ZNF189: variants seen among roughly 807,000 people sequenced by gnomAD.
ZNF189 encodes zinc finger protein 189.
ZNF189 carries 33 observed loss-of-function variants against 53.5 expected under a neutral mutation model. That is an observed-to-expected ratio of 0.62 (90% CI 0.47 to 0.82). ZNF189 has a LOEUF of 0.82. ZNF189 is among the 40% of genes least tolerant of loss of function. The pLI, the probability that ZNF189 is intolerant of heterozygous loss-of-function variation, is 0.00. For synonymous variants in ZNF189, 247 were observed against 238.8 expected, an observed-to-expected ratio of 1.03 and a Z score of -0.32; for missense variants, 711 against 753.9, an observed-to-expected ratio of 0.94 and a Z score of 0.67.
Position 101,409,830 on chromosome 9 carries a change from T to C in ZNF189, c.*181T>C, listed in dbSNP as rs1376345696. 1.8e-5 allele frequency: 11 copies of C among 618,660 alleles called. No individual in the cohort carries two copies. Among genetic ancestry groups the C allele is most frequent in the Non-Finnish European group, 2.9e-5 (11 of 372,964 alleles). The allele number at this position is 618,660 out of a possible 1,614,324, so 38.3% of individuals were successfully genotyped here. On this transcript the variant is annotated 3_prime_UTR_variant, in exon 3 of 3. Coordinates refer to ENST00000339664, the MANE Select transcript of ZNF189 (RefSeq NM_003452.4). ...CATGAGCATTTGACTTCCCTTACTCTTTGATGATCGTAGAGAAAGACTTGG... is the reference window on the plus strand; with the variant it reads ...CATGAGCATTTGACTTCCCTTACTCCTTGATGATCGTAGAGAAAGACTTGG...
intron 1 of ZNF189, chr9:101,399,625 T>C: frequency 7.7e-7 from 1 of 1,302,208 alleles, no homozygotes. Flanking sequence ...GAGGGAAGCT[T>C]GGAGAGGCCT....
intron 2 of ZNF189, among the ~76,000 whole-genome samples, chr9:101,402,816 A>C (rs1830582870): frequency 6.6e-6 from 1 of 152,162 alleles, no homozygotes; most frequent in South Asian, 2.1e-4. Flanking sequence ...AAGTACAGTT[A>C]ACTTAAGACT....
chr9:101,401,741 C>T (rs1294802197), intron 2 of ZNF189, among the ~76,000 whole-genome samples: 3 of 152,162 alleles, frequency 2.0e-5, no homozygotes, highest in Non-Finnish European at 2.9e-5. Flanking sequence ...ACGTCATTGT[C>T]AAATGCAGTA....
In ZNF189 at chr9:101,409,059, A is replaced by G; in HGVS notation, c.1291A>G (p.Asn431Asp). ...CACCAGGGAGAAGACTTATCCATAC[A>G]ATGAAACTAAGGAAAGTTTTGATCC... Reference protein sequence around the residue: ...IHTREKTYPYNETKESFDPNC... With the variant: ...IHTREKTYPYDETKESFDPNC... Residue 431 changes from asparagine (N) to aspartate (D), a missense_variant, in exon 3 of 3, where the codon AAT becomes GAT. Transcript: ENST00000339664. The G allele has an allele frequency of 4.3e-6, 7 of 1,614,038 alleles. No individual in the cohort carries two copies. The highest frequency in any genetic ancestry group is 5.9e-6 in the Non-Finnish European group (7 of 1,179,996).
chr9:101,408,499 G>T lies in ZNF189; in HGVS notation c.731G>T (p.Arg244Ile), dbSNP rs879751618. 4.3e-6 allele frequency: 7 copies of T among 1,614,134 alleles called. No homozygotes were observed. The highest frequency in any genetic ancestry group is 5.1e-6 in the Non-Finnish European group (6 of 1,180,026). Residue 244 changes from arginine (R) to isoleucine (I), a missense_variant, in exon 3 of 3, where the codon AGA becomes ATA. By Grantham distance (97) the Arg-to-Ile change is moderately conservative. Coordinates refer to ENST00000339664, the MANE Select transcript of ZNF189 (RefSeq NM_003452.4). ...CNQCKQSFSQ[R>I]RSLVKHQRIH... ...CAGTGTAAACAGAGCTTCAGCCAGA[G>T]AAGGAGCCTTGTTAAACATCAAAGG...
In ZNF189 at chr9:101,408,006, C is replaced by G. The variant is rs758511282; in HGVS notation, c.238C>G (p.Gln80Glu). ...IEEIEEEVEP[Q>E]GVIVTRIKSE... ...AGAAATTGAGGAAGAAGTGGAACCA[C>G]AGGGTGTAATAGTTACAAGAATCAA... is the stretch of plus-strand genomic sequence containing the variant. Residue 80 changes from glutamine (Q) to glutamate (E), a missense_variant, in exon 3 of 3, where the codon CAG (glutamine) becomes GAG (glutamate). By Grantham distance (29) the Gln-to-Glu change is conservative (BLOSUM62 2). Transcript: ENST00000339664. 6.2e-7 allele frequency: 1 copy of G among 1,611,676 alleles called. No homozygotes were observed. Among genetic ancestry groups the G allele is most frequent in the African/African-American group, 1.3e-5 (1 of 74,746 alleles).
chr9:101,399,372 C>T, intron 1 of ZNF189, 183 bp downstream of exon 1: 1 of 1,380,478 alleles, frequency 7.2e-7, no homozygotes, highest in South Asian at 1.7e-5. Flanking sequence ...CCACTGGCTC[C>T]CTTTTTTTTT....
chr9:101,408,920 T>C lies in ZNF189; in HGVS notation c.1152T>C (p.Leu384=), dbSNP rs1402029578. ...CKECGKSFSQ[L]CNLTRHQRIH... is the part of the protein sequence containing the mutation. ...AGTGTGGGAAAAGTTTCAGTCAGCTTTGCAACCTTACTCGTCATCAGAGAA... is the reference window on the plus strand; with the variant it reads ...AGTGTGGGAAAAGTTTCAGTCAGCTCTGCAACCTTACTCGTCATCAGAGAA... The change falls in exon 3 of 3, where the codon CTT becomes CTC. Residue 384 remains leucine, a synonymous_variant. Transcript: ENST00000339664. 1 of 1,613,948 alleles carries C rather than the reference T, an allele frequency of 6.2e-7. No individual in the cohort carries two copies. The highest frequency in any genetic ancestry group is 1.3e-5 in the African/African-American group (1 of 74,904).
At chr9:101,403,281 A>G (rs543961381) in intron 2 of ZNF189, among the ~76,000 whole-genome samples, 116 of 152,214 alleles carry the variant, frequency 7.6e-4, no homozygotes, top group Non-Finnish European at 1.3e-3. Context: ...CCCACAGATG[A>G]TCTTCTACTT....
rs146668775 is a variant in ZNF189 at position 101,408,244 on chromosome 9, G to T, written c.476G>T (p.Arg159Leu). The part of the protein sequence containing the change: ...KCEECGKGFV[R>L]KAHFIQHQRV... ...GAAGAATGTGGAAAGGGTTTTGTCC[G>T]CAAGGCCCATTTCATTCAACATCAA... is the stretch of plus-strand genomic sequence containing the variant. Residue 159 changes from arginine to leucine, a missense_variant, in exon 3 of 3, where the codon CGC (arginine) becomes CTC (leucine). By Grantham distance (102) the Arg-to-Leu change is moderately radical. Transcript: ENST00000339664. 2.5e-6 allele frequency: 4 copies of T among 1,614,150 alleles called. No homozygotes were observed. In the Admixed American group the frequency reaches 5.0e-5, roughly 20 times the overall value.
intron 2 of ZNF189, among the ~76,000 whole-genome samples, chr9:101,402,267 T>A (rs143957849): frequency 6.6e-4 from 100 of 152,052 alleles, no homozygotes; most frequent in Middle Eastern, 6.8e-3. Context: ...ACTGCCTAGG[T>A]TTAAATCCTT....
At chr9:101,402,048 G>A (rs1024846713) in intron 2 of ZNF189, among the ~76,000 whole-genome samples, 4 of 152,140 alleles carry the variant, frequency 2.6e-5, no homozygotes, top group African/African-American at 9.6e-5. Flanking sequence ...CTGAGTAGCC[G>A]AGACAAACAG....
rs1033574548 is a variant in ZNF189 at position 101,409,635 on chromosome 9, G to C, written c.1867G>C (p.Ala623Pro). The C allele has an allele frequency of 2.5e-6, 4 of 1,605,994 alleles. No individual in the cohort carries two copies. In the African/African-American group the frequency reaches 5.4e-5, roughly 22 times the overall value. Residue 623 changes from alanine (A) to proline (P), a missense_variant, in exon 3 of 3, where the codon GCA becomes CCA. Transcript: ENST00000339664. ...SLIQHQKLHT[A>P]WMQ ...TATTCAGCATCAGAAATTGCACACA[G>C]CATGGATGCAATAAATGTAGAGCAA...
In ZNF189 at chr9:101,398,943, A is replaced by T; in HGVS notation, c.-214A>T. The stretch of plus-strand genomic sequence containing the variant: ...AAAGGCTGCGTAACCAGGCAGGAGT[A>T]GGGGTTGGGGTTCGGGGTTGGGGGA... On this transcript the variant is annotated 5_prime_UTR_variant, in exon 1 of 3. Coordinates refer to ENST00000339664, the MANE Select transcript of ZNF189 (RefSeq NM_003452.4). The T allele has an allele frequency of 2.3e-6, 1 of 431,846 alleles. No individual in the cohort carries two copies. Among genetic ancestry groups the T allele is most frequent in the Non-Finnish European group, 4.2e-6 (1 of 238,820 alleles). 26.8% of individuals were successfully genotyped at this position (431,846 alleles called of 1,614,324 possible). A position where few individuals can be genotyped will look rare whatever the true frequency, so the allele number is the denominator to read the frequency against.
rs763313571 is a variant in ZNF189, at chr9:101,399,123, C to T, written c.-34C>T. 3.9e-6 allele frequency: 6 copies of T among 1,537,238 alleles called. No homozygotes were observed. In the Admixed American group the frequency reaches 5.0e-5, roughly 13 times the overall value. On this transcript the variant is annotated 5_prime_UTR_variant, in exon 1 of 3. Transcript: ENST00000339664. ...CCAGAGGCTCCTTTCCGTGAGGCCGCCCCCAATTCCTGCCCCTATTCTCTG... is the reference window on the plus strand; with the variant it reads ...CCAGAGGCTCCTTTCCGTGAGGCCGTCCCCAATTCCTGCCCCTATTCTCTG...
chr9:101,400,525 C>G (rs1389298685), intron 2 of ZNF189, among the ~76,000 whole-genome samples: 1 of 152,224 alleles, frequency 6.6e-6, no homozygotes, highest in Non-Finnish European at 1.5e-5. Flanking sequence ...TTTCCACCTT[C>G]AAACAAAATC....
chr9:101,407,989 A>T lies in ZNF189; in HGVS notation c.221A>T (p.Glu74Val). The change falls in exon 3 of 3, where the codon GAG becomes GTG. Residue 74 changes from glutamate to valine, a missense_variant. Coordinates refer to ENST00000339664, the MANE Select transcript of ZNF189 (RefSeq NM_003452.4). ...PTVKQEIEEI[E>V]EEVEPQGVIV... Reference sequence around the variant, plus strand: ...GTAAAACAAGAGATTGAAGAAATTGAGGAAGAAGTGGAACCACAGGGTGTA... The same window carrying T: ...GTAAAACAAGAGATTGAAGAAATTGTGGAAGAAGTGGAACCACAGGGTGTA... 1 of 1,606,256 alleles carries T rather than the reference A, an allele frequency of 6.2e-7. No homozygotes were observed. Among genetic ancestry groups the T allele is most frequent in the South Asian group, 1.1e-5 (1 of 89,222 alleles).
chr9:101,403,248 T>A (rs760548126), intron 2 of ZNF189, among the ~76,000 whole-genome samples: 1 of 152,184 alleles, frequency 6.6e-6, no homozygotes, highest in Non-Finnish European at 1.5e-5. Flanking sequence ...GTAAATACCA[T>A]ATGGACAAGG....
In ZNF189 at chr9:101,409,255, G is replaced by A; in HGVS notation, c.1487G>A (p.Ser496Asn). ...CTVCGKSFSR[S>N]SFLIEHQRIH... Reference sequence around the variant, plus strand: ...GTCTGTGGGAAAAGCTTCAGCCGGAGCTCATTTCTTATTGAACATCAGAGA... The same window carrying A: ...GTCTGTGGGAAAAGCTTCAGCCGGAACTCATTTCTTATTGAACATCAGAGA... Residue 496 changes from serine to asparagine, a missense_variant, in exon 3 of 3, where the codon AGC becomes AAC. Transcript: ENST00000339664. 1 of 1,613,500 alleles carries A rather than the reference G, an allele frequency of 6.2e-7. No homozygotes were observed. The highest frequency in any genetic ancestry group is 8.5e-7 in the Non-Finnish European group (1 of 1,179,534).
Sources: gnomAD v4.1 joint callset for allele counts (sites outside exome capture counted in the v4.1 genomes callset) on GRCh38, gnomAD v4.1.1 for gene constraint, MANE v1.5 for transcripts, NCBI Gene and HGNC (gene_info 2026-07-23, HGNC 2026-07-21) for gene names.